Variants in DLG3 observed in about 807,000 individuals in gnomAD.
DLG3 encodes the protein discs large MAGUK scaffold protein 3.
In DLG3, 1 loss-of-function variant was observed where a neutral mutation model predicts 64.1. That is an observed-to-expected ratio of 0.02 (90% CI 0.01 to 0.07). The LOEUF is 0.07. Among genes scored for constraint, DLG3 ranks in the 10% least tolerant of loss-of-function variants. DLG3 has a pLI of 1.00. For synonymous variants in DLG3, 245 were observed against 259.8 expected (o/e 0.94, Z 0.55); for missense variants, 429 against 669.5 (o/e 0.64, Z 3.96).
chrX:70,458,651 A>C (rs1032564400), intron 9 of DLG3, among the ~76,000 whole-genome samples: 3 of 112,570 alleles, frequency 2.7e-5, no homozygotes, highest in Non-Finnish European at 5.6e-5. Flanking sequence ...AAGTATAGGA[A>C]CTGTGTCTTT....
Position 70,502,437 on chromosome X carries a change from TAA to T in DLG3, c.*169_*170del. 1 of 428,873 alleles carries T rather than the reference TAA, an allele frequency of 2.3e-6. No homozygotes were observed. The highest frequency in any genetic ancestry group is 4.1e-6 in the Non-Finnish European group (1 of 246,343). The allele number at this position is 428,873 out of a possible 1,213,427, so 35.3% of individuals were successfully genotyped here. A position where few individuals can be genotyped will look rare whatever the true frequency, so the allele number is the denominator to read the frequency against. ...TCTAGTCCTGTTCTTTTTTTTTTTT[TAA>T]GTTTTTGTTTGTTTCAGTTTATTTT... On this transcript the variant is annotated 3_prime_UTR_variant, in exon 19 of 19. Coordinates refer to ENST00000374360, the MANE Select transcript of DLG3 (RefSeq NM_021120.4).
At position 70,500,876 on chromosome X, in the gene DLG3, A is replaced by G. The variant is rs1215265105; in HGVS notation, c.2256-22A>G. The G allele has an allele frequency of 2.3e-5, 26 of 1,154,608 alleles. No homozygotes were observed. The East Asian group carries it at 7.2e-4, about 32-fold the overall frequency. ...AGAACATAAGATCTGGTTCAGAACT[A>G]TTTTTCTTCTGTCTTTGGCAGGGAA... On this transcript the variant is annotated intron_variant, in intron 17 of 18. Transcript: ENST00000374360.
chrX:70,495,452 G>A lies in DLG3; in HGVS notation c.1818G>A (p.Leu606=), dbSNP rs2037679728. The A allele has an allele frequency of 8.3e-7, 1 of 1,206,115 alleles. No individual in the cohort carries two copies. The highest frequency in any genetic ancestry group is 1.8e-5 in the African/African-American group (1 of 56,721). Residue 606 remains leucine (L), a splice_region_variant and synonymous_variant, in exon 13 of 19, where the codon CTG becomes CTA. Transcript: ENST00000374360. ...ACGATTATTATGGAGCAAAGAACCT[G>A]AGTAAGTCCAACTTACACACCGTTC... ...LSDDYYGAKN[L]KGQEDAILSY... is the part of the protein sequence containing the mutation.
chrX:70,448,630 C>T, intron 1 of DLG3: 7 of 1,164,155 alleles, frequency 6.0e-6, no homozygotes, highest in Non-Finnish European at 8.0e-6. Context: ...AGCACAGCCT[C>T]TCGGTGAGTG....
At chrX:70,455,093 C>T (rs1417799214) in intron 9 of DLG3, 1 of 713,391 alleles carries the variant, frequency 1.4e-6, no homozygotes, top group East Asian at 1.6e-4. Flanking sequence ...GCCCCTCCTT[C>T]CCCCCATCGC....
chrX:70,477,480 A>G (rs1048174371), intron 9 of DLG3, among the ~76,000 whole-genome samples: 3 of 111,713 alleles, frequency 2.7e-5, no homozygotes, highest in African/African-American at 6.5e-5. Context: ...CCAGAGGTAG[A>G]CTGGCCTGCT....
In DLG3 at chrX:70,492,840, G is replaced by C. The variant is rs189686291; in HGVS notation, c.1773+244G>C. On this transcript the variant is annotated intron_variant, in intron 12 of 18. Coordinates refer to ENST00000374360, the MANE Select transcript of DLG3 (RefSeq NM_021120.4). ...CTTGAAGATGTGTTAGAGTTGGACTGTCTGGAAGGCTGACTTGCTTGGGGA... is the reference window on the plus strand; with the variant it reads ...CTTGAAGATGTGTTAGAGTTGGACTCTCTGGAAGGCTGACTTGCTTGGGGA... 1.6e-4 allele frequency among the ~76,000 whole-genome samples: 18 copies of C among 112,123 alleles called. No individual in the cohort carries two copies. The East Asian group carries it at 5.1e-3, about 31-fold the overall frequency.
At chrX:70,478,679 A>G (rs983299479) in intron 9 of DLG3, among the ~76,000 whole-genome samples, 1 of 111,267 alleles carries the variant, frequency 9.0e-6, no homozygotes, top group Non-Finnish European at 1.9e-5. Flanking sequence ...CTTGCCTAAC[A>G]ATGATATAAT....
chrX:70,447,391 C>T (rs1219120445), intron 1 of DLG3, among the ~76,000 whole-genome samples: 1 of 112,240 alleles, frequency 8.9e-6, no homozygotes, highest in East Asian at 2.8e-4. Flanking sequence ...TTTCGGGTCT[C>T]TAAGGAGCCT....
intron 9 of DLG3, among the ~76,000 whole-genome samples, chrX:70,467,920 G>A (rs1466931185): frequency 1.8e-5 from 2 of 111,805 alleles, no homozygotes; most frequent in Non-Finnish European, 3.8e-5. Flanking sequence ...TATAGAGAAG[G>A]CCCTATTGAG....
chrX:70,460,972 A>G (rs1162599661), intron 9 of DLG3, among the ~76,000 whole-genome samples: 1 of 112,205 alleles, frequency 8.9e-6, no homozygotes, highest in Non-Finnish European at 1.9e-5. Context: ...TTATCGGTTG[A>G]TGGACATTTG....
In DLG3 at chrX:70,498,512, T is replaced by C. The variant is rs947266451; in HGVS notation, c.1820-8T>C. ...ATGGTGCTAACCTATCTCTCTTTTT[T>C]GTTGCAGAAGGACAAGAGGATGCTA... On this transcript the variant is annotated splice_region_variant and splice_polypyrimidine_tract_variant and intron_variant, in intron 13 of 18. Coordinates refer to ENST00000374360, the MANE Select transcript of DLG3 (RefSeq NM_021120.4). The C allele has an allele frequency of 9.1e-6, 11 of 1,207,938 alleles. No individual in the cohort carries two copies. Among genetic ancestry groups the C allele is most frequent in the Non-Finnish European group, 1.2e-5 (11 of 893,844 alleles).
chrX:70,461,806 C>T (rs1002116420), intron 9 of DLG3, among the ~76,000 whole-genome samples: 6 of 111,508 alleles, frequency 5.4e-5, no homozygotes, highest in East Asian at 5.7e-4. Flanking sequence ...GTGATCCGCC[C>T]GCCTCGGCCT....
chrX:70,473,596 T>A lies in DLG3; in HGVS notation c.1406-5554T>A, dbSNP rs770648268. ...GTAGACATTCAGTAATTTTTTTTTA[T>A]TTTTTTTTATTTTTAGAGACAGCAT... is the stretch of plus-strand genomic sequence containing the variant. On this transcript the variant is annotated intron_variant, in intron 9 of 18. Coordinates refer to ENST00000374360, the MANE Select transcript of DLG3 (RefSeq NM_021120.4). 2.3e-3 allele frequency among the ~76,000 whole-genome samples: 249 copies of A among 110,177 alleles called. 2 individuals carry two copies. Among genetic ancestry groups the A allele is most frequent in the Non-Finnish European group, 3.7e-3 (196 of 52,671 alleles).
chrX:70,473,157 CAAAA>C (rs59440260), intron 9 of DLG3, among the ~76,000 whole-genome samples: 1 of 42,176 alleles, frequency 2.4e-5, no homozygotes, highest in Non-Finnish European at 4.6e-5. Context: ...AACTCCGTCT[CAAAA>C]AAAAAAAAAA....
At position 70,451,880 on chromosome X, in the gene DLG3, G is replaced by A; in HGVS notation, c.999G>A (p.Leu333=). ...TCTTGATTCCAGCTTTTACTGCCTT[G>A]GCTGACAACCACATAAGCCATAATT... ...PPDYASTFTA[L]ADNHISHNSS... Residue 333 remains leucine (L), a synonymous_variant, in exon 7 of 19, where the codon TTG becomes TTA. Coordinates refer to ENST00000374360, the MANE Select transcript of DLG3 (RefSeq NM_021120.4). 1.7e-6 allele frequency: 2 copies of A among 1,211,372 alleles called. No homozygotes were observed. The highest frequency in any genetic ancestry group is 2.2e-6 in the Non-Finnish European group (2 of 895,440).
intron 18 of DLG3, among the ~76,000 whole-genome samples, chrX:70,501,405 C>CTGTGTGTGTGTGTG (rs1443311416): frequency 1.8e-4 from 8 of 45,538 alleles, no homozygotes; most frequent in African/African-American, 8.8e-4. Context: ...GGGTGTCTGT[C>CTGTGTGTGTGTGTG]TGTCTGTCTG....
At chrX:70,495,073 T>C (rs1249573329) in intron 12 of DLG3, among the ~76,000 whole-genome samples, 1 of 111,771 alleles carries the variant, frequency 8.9e-6, no homozygotes, top group East Asian at 2.8e-4. Flanking sequence ...TCCTGTCCCA[T>C]TGGCCTACAG....
intron 9 of DLG3, among the ~76,000 whole-genome samples, chrX:70,476,994 G>A (rs1490126519): frequency 8.8e-6 from 1 of 113,097 alleles, no homozygotes; most frequent in Non-Finnish European, 1.9e-5. Flanking sequence ...AAAAGCGTAT[G>A]CCTTAGAGCA....
Sources: gnomAD v4.1 joint callset for allele counts (sites outside exome capture counted in the v4.1 genomes callset) on GRCh38, gnomAD v4.1.1 for gene constraint, MANE v1.5 for transcripts, NCBI Gene and HGNC (gene_info 2026-07-23, HGNC 2026-07-21) for gene names.